MED27: variants seen among roughly 807,000 people sequenced by gnomAD.
MED27 encodes mediator of RNA polymerase II transcription subunit 27.
A neutral mutation model predicts 38.2 loss-of-function variants in MED27; 30 were observed. That is an observed-to-expected ratio of 0.79 (90% CI 0.59 to 1.07). The LOEUF (loss-of-function observed/expected upper bound fraction) is 1.07. Among genes scored for constraint, MED27 ranks in the 50% least tolerant of loss-of-function variants. MED27 has a pLI of 0.00. For missense variants in MED27, 289 were observed against 397.5 expected (o/e 0.73, Z 2.32); for synonymous variants, 122 against 153.5 (o/e 0.79, Z 1.52).
intron 6 of MED27, chr9:131,868,567 C>T (rs12003222): frequency 4.4e-4 from 428 of 983,676 alleles, no homozygotes; most frequent in Non-Finnish European, 4.8e-4. Context: ...TGCGCCACTG[C>T]GCCCGGCCCA....
intron 3 of MED27, among the ~76,000 whole-genome samples, chr9:131,973,848 T>C (rs1175500625): frequency 6.6e-6 from 1 of 151,836 alleles, no homozygotes; most frequent in African/African-American, 2.4e-5. Flanking sequence ...GCTGGGACTA[T>C]AGGTGGCCGC....
At chr9:131,980,615 A>C (rs1831713240) in intron 3 of MED27, among the ~76,000 whole-genome samples, 1 of 152,182 alleles carries the variant, frequency 6.6e-6, no homozygotes, top group Non-Finnish European at 1.5e-5. Context: ...CTTCCCAATT[A>C]GTTCCTAAAA....
intron 5 of MED27, among the ~76,000 whole-genome samples, chr9:131,891,041 G>A (rs527331606): frequency 6.6e-6 from 1 of 152,318 alleles, no homozygotes; most frequent in East Asian, 1.9e-4. Flanking sequence ...ACTCTGTGCT[G>A]TAAGGAGAGG....
chr9:131,920,690 G>A (rs545259897), intron 4 of MED27, among the ~76,000 whole-genome samples: 1 of 152,170 alleles, frequency 6.6e-6, no homozygotes, highest in African/African-American at 2.4e-5. Context: ...GGTGGTAGAA[G>A]AGACAGGAGA....
intron 3 of MED27, among the ~76,000 whole-genome samples, chr9:131,987,556 C>A (rs566191074): frequency 6.6e-6 from 1 of 152,174 alleles, no homozygotes; most frequent in Non-Finnish European, 1.5e-5. Flanking sequence ...AATAATCACA[C>A]CTGGCAATGC....
chr9:131,942,170 C>G (rs1479909927), intron 3 of MED27, among the ~76,000 whole-genome samples: 1 of 152,054 alleles, frequency 6.6e-6, no homozygotes, highest in African/African-American at 2.4e-5. Flanking sequence ...TCCTGGATGG[C>G]TAAGACACAG....
chr9:132,031,857 A>G (rs1296728100), intron 2 of MED27: 1 of 152,166 alleles, frequency 6.6e-6, no homozygotes, highest in East Asian at 1.9e-4. Context: ...CACACTACAA[A>G]ATGTGCTTTA....
At chr9:131,896,182 C>T (rs546695504) in intron 4 of MED27, among the ~76,000 whole-genome samples, 68 of 152,230 alleles carry the variant, frequency 4.5e-4, no homozygotes, top group Non-Finnish European at 8.8e-4. Context: ...ATTACAGGCA[C>T]GAGCCACCAC....
At position 132,025,230 on chromosome 9, in the gene MED27, G is replaced by A. The variant is rs150687716; in HGVS notation, c.349-10763C>T. Among the ~76,000 whole-genome samples, 1,116 of 151,382 alleles carry A rather than the reference G, an allele frequency of 7.4e-3. 10 individuals carry two copies. Among genetic ancestry groups the A allele is most frequent in the Non-Finnish European group, 0.012 (847 of 67,944 alleles). The stretch of plus-strand genomic sequence containing the variant: ...AGTTTTGCTCTTGTTGCCCAGGCTG[G>A]AGTGCAATGGTGTGATCTCCTCTCA... On this transcript the variant is annotated intron_variant, in intron 2 of 7. Transcript: ENST00000292035.
intron 4 of MED27, among the ~76,000 whole-genome samples, chr9:131,937,068 G>C (rs1457964506): frequency 1.3e-5 from 2 of 152,170 alleles, no homozygotes; most frequent in African/African-American, 4.8e-5. Context: ...GGGAACAGGT[G>C]ACTAGCAGTA....
intron 3 of MED27, among the ~76,000 whole-genome samples, chr9:131,966,199 T>TAAAAAA (rs201789144): frequency 2.1e-4 from 20 of 96,352 alleles, no homozygotes; most frequent in African/African-American, 5.1e-4. Flanking sequence ...CCTGTTTCTT[T>TAAAAAA]AAAAAAAAAA....
At chr9:131,923,990 T>G (rs1830440164) in intron 4 of MED27, among the ~76,000 whole-genome samples, 1 of 152,230 alleles carries the variant, frequency 6.6e-6, no homozygotes, top group Non-Finnish European at 1.5e-5. Context: ...GTGGCTCCAT[T>G]GTGCGAGTGT....
chr9:131,945,313 A>G (rs1049485798), intron 3 of MED27, among the ~76,000 whole-genome samples: 1 of 151,742 alleles, frequency 6.6e-6, no homozygotes, highest in Non-Finnish European at 1.5e-5. Flanking sequence ...TAATTGACAA[A>G]TAAAGATTGT....
At chr9:131,930,760 T>C (rs1435003091) in intron 4 of MED27, among the ~76,000 whole-genome samples, 1 of 152,126 alleles carries the variant, frequency 6.6e-6, no homozygotes, top group Non-Finnish European at 1.5e-5. Context: ...TACTCTTAAG[T>C]AGAAAGACTA....
intron 2 of MED27, among the ~76,000 whole-genome samples, chr9:132,030,216 G>A (rs1410827612): frequency 5.9e-5 from 9 of 152,326 alleles, no homozygotes; most frequent in South Asian, 4.1e-4. Flanking sequence ...CAAAGACAGC[G>A]GTGCCCCTCG....
intron 4 of MED27, among the ~76,000 whole-genome samples, chr9:131,919,605 C>T (rs1287321622): frequency 6.6e-6 from 1 of 152,040 alleles, no homozygotes; most frequent in East Asian, 1.9e-4. Flanking sequence ...ATGCCACCCA[C>T]CTCCTGGGGT....
intron 4 of MED27, among the ~76,000 whole-genome samples, chr9:131,911,309 C>G (rs1052160335): frequency 6.6e-6 from 1 of 152,176 alleles, no homozygotes; most frequent in Non-Finnish European, 1.5e-5. Context: ...GGTATTGACA[C>G]CATTATCAGA....
intron 2 of MED27, among the ~76,000 whole-genome samples, chr9:132,038,186 T>C (rs1342539806): frequency 2.0e-5 from 3 of 148,212 alleles, no homozygotes; most frequent in East Asian, 3.9e-4. Context: ...CCAGGCATCC[T>C]TCTTTTTTTT....
At chr9:131,921,017 A>G (rs1394490594) in intron 4 of MED27, among the ~76,000 whole-genome samples, 1 of 152,156 alleles carries the variant, frequency 6.6e-6, no homozygotes, top group Non-Finnish European at 1.5e-5. Flanking sequence ...AGGCTTGGAG[A>G]GGGATGGCGG....
Sources: gnomAD v4.1 joint callset for allele counts (sites outside exome capture counted in the v4.1 genomes callset) on GRCh38, gnomAD v4.1.1 for gene constraint, MANE v1.5 for transcripts, NCBI Gene and HGNC (gene_info 2026-07-23, HGNC 2026-07-21) for gene names.